The following PTPRA variants were observed in gnomAD, a reference collection of about 807,000 sequenced individuals.
PTPRA encodes protein tyrosine phosphatase receptor type A.
In PTPRA, 25 loss-of-function variants were observed where a neutral mutation model predicts 104.8. That is an observed-to-expected ratio of 0.24 (90% confidence interval 0.17 to 0.33). The LOEUF (loss-of-function observed/expected upper bound fraction) is 0.33, where lower values mean the gene tolerates loss of function less well. Ranked by LOEUF, PTPRA falls within the 10% of genes least tolerant of loss-of-function variation. The pLI is 1.00. For missense variants in PTPRA, 765 were observed against 1,015.3 expected, an observed-to-expected ratio of 0.75 and a Z score of 3.35; for synonymous variants, 323 against 368.9, an observed-to-expected ratio of 0.88 and a Z score of 1.43.
intron 6 of PTPRA, among the ~76,000 whole-genome samples, chr20:2,979,107 A>T (rs955446711): frequency 2.6e-5 from 4 of 152,170 alleles, no homozygotes; most frequent in Non-Finnish European, 4.4e-5. Context: ...GTAAGTTAGG[A>T]TAGTAGGAAT....
intron 1 of PTPRA, among the ~76,000 whole-genome samples, chr20:2,895,573 A>G (rs2058966893): frequency 6.6e-6 from 1 of 151,350 alleles, no homozygotes; most frequent in South Asian, 2.1e-4. Context: ...CTGGAGTGCA[A>G]TGGCACGATC....
chr20:3,022,122 C>G lies in PTPRA; in HGVS notation c.1230C>G (p.Asp410Glu). 1.2e-6 allele frequency: 2 copies of G among 1,614,232 alleles called. No homozygotes were observed. Among genetic ancestry groups the G allele is most frequent in the Non-Finnish European group, 1.7e-6 (2 of 1,180,028 alleles). ...ITQFHFTSWP[D>E]FGVPFTPIGM... is the part of the protein sequence containing the mutation. ...AGTTCCACTTTACCAGCTGGCCAGA[C>G]TTTGGGGTGCCTTTTACCCCGATCG... is the stretch of plus-strand genomic sequence containing the variant. The change falls in exon 15 of 24, where the codon GAC becomes GAG. Residue 410 changes from aspartate to glutamate, a missense_variant. Around this residue, in one of 4 missense-constraint regions of PTPRA, gnomAD observed 245 missense variants for 398.7 expected, o/e 0.61. Coordinates refer to ENST00000399903, the MANE Select transcript of PTPRA (RefSeq NM_001385305.1). The surrounding 1 kb of genome is among the most constrained non-coding windows in gnomAD (Gnocchi z 4.6).
At chr20:2,952,529 A>G (rs1286189660) in intron 3 of PTPRA, among the ~76,000 whole-genome samples, 2 of 152,064 alleles carry the variant, frequency 1.3e-5, no homozygotes, top group African/African-American at 4.8e-5. Flanking sequence ...TGTTATTCTC[A>G]TGTCTTTTAA....
At chr20:2,952,601 A>G (rs901276826) in intron 3 of PTPRA, among the ~76,000 whole-genome samples, 25 of 152,324 alleles carry the variant, frequency 1.6e-4, no homozygotes, top group Admixed American at 8.5e-4. Context: ...CTTTGTAAGT[A>G]TACAGTTTTG....
At chr20:2,999,235 A>G (rs1192759197) in intron 9 of PTPRA, among the ~76,000 whole-genome samples, 1 of 152,190 alleles carries the variant, frequency 6.6e-6, no homozygotes, top group Non-Finnish European at 1.5e-5. Context: ...TAGTGAAGAG[A>G]TAGGATCAAT....
intron 1 of PTPRA, among the ~76,000 whole-genome samples, chr20:2,899,727 A>G (rs1048593339): frequency 2.6e-5 from 4 of 152,222 alleles, no homozygotes; most frequent in Non-Finnish European, 5.9e-5. Context: ...CTTCCTGTAA[A>G]TAATGAAAGC....
At chr20:2,993,376 A>G (rs886886546) in intron 9 of PTPRA, among the ~76,000 whole-genome samples, 2 of 152,246 alleles carry the variant, frequency 1.3e-5, no homozygotes, top group South Asian at 4.1e-4. Flanking sequence ...TCTAAGATAC[A>G]TAACTTCCTG....
At chr20:2,934,669 CTTTTTTTTTTT>C in intron 2 of PTPRA, among the ~76,000 whole-genome samples, 1 of 127,190 alleles carries the variant, frequency 7.9e-6, no homozygotes, top group Non-Finnish European at 1.6e-5. Flanking sequence ...CAATTAGAAC[CTTTTTTTTTTT>C]TTTTTTTTTT....
At chr20:2,943,712 T>C (rs2061015706) in intron 2 of PTPRA, among the ~76,000 whole-genome samples, 1 of 152,198 alleles carries the variant, frequency 6.6e-6, no homozygotes, top group Non-Finnish European at 1.5e-5. Flanking sequence ...GTCATACTTC[T>C]GCTTAGCATG....
At chr20:2,921,320 C>T (rs1281580538) in intron 1 of PTPRA, among the ~76,000 whole-genome samples, 4 of 127,642 alleles carry the variant, frequency 3.1e-5, no homozygotes, top group South Asian at 2.6e-4. Context: ...CCTGGGAATG[C>T]GCTTTTTTTT....
At chr20:2,874,386 G>T (rs1261783458) in intron 1 of PTPRA, among the ~76,000 whole-genome samples, 1 of 148,418 alleles carries the variant, frequency 6.7e-6, no homozygotes, top group Non-Finnish European at 1.5e-5. Flanking sequence ...TATATCTCCT[G>T]AAGATTAAAA....
chr20:3,023,087 G>A (rs530392479), intron 16 of PTPRA, among the ~76,000 whole-genome samples: 18 of 152,316 alleles, frequency 1.2e-4, no homozygotes, highest in South Asian at 6.2e-4. Flanking sequence ...CCCTGTGCTC[G>A]CAGAAACATG....
At chr20:2,959,152 G>T (rs1053199370) in intron 3 of PTPRA, among the ~76,000 whole-genome samples, 1 of 152,166 alleles carries the variant, frequency 6.6e-6, no homozygotes, top group Non-Finnish European at 1.5e-5. Context: ...TAGTGACATG[G>T]ATCTTCTTAA....
At chr20:2,952,034 C>T (rs2061370752) in intron 3 of PTPRA, among the ~76,000 whole-genome samples, 1 of 151,910 alleles carries the variant, frequency 6.6e-6, no homozygotes, top group Admixed American at 6.6e-5. Context: ...GGCAGGGAAT[C>T]TCTTGAACCC....
intron 11 of PTPRA, among the ~76,000 whole-genome samples, chr20:3,010,666 C>A (rs1221795472): frequency 6.6e-6 from 1 of 152,094 alleles, no homozygotes; most frequent in East Asian, 1.9e-4. Flanking sequence ...AAAATAAACA[C>A]AGCATCCAGC....
At chr20:2,900,130 C>T (rs1177516557) in intron 1 of PTPRA, among the ~76,000 whole-genome samples, 3 of 109,716 alleles carry the variant, frequency 2.7e-5, no homozygotes, top group Admixed American at 1.0e-4. Flanking sequence ...CAAAACAAAA[C>T]GAAAAATCTG....
In PTPRA at chr20:3,018,226, G is replaced by A. The variant is rs775259344; in HGVS notation, c.1041+313G>A. 4.6e-5 allele frequency among the ~76,000 whole-genome samples: 7 copies of A among 152,266 alleles called. 1 individual carries two copies. The highest frequency in any genetic ancestry group is 1.2e-4 in the African/African-American group (5 of 41,552). On this transcript the variant is annotated intron_variant, in intron 13 of 23. Transcript: ENST00000399903. ...GTTTTTTTTGTTGTTGTTTTGTTTT[G>A]TTTTGTTTTGTTTTTTTATTGATCA...
At chr20:2,955,051 G>C (rs540341187) in intron 3 of PTPRA, among the ~76,000 whole-genome samples, 26 of 152,250 alleles carry the variant, frequency 1.7e-4, no homozygotes, top group African/African-American at 5.3e-4. Context: ...CTATTCCTCT[G>C]CTAATACTGT....
rs1325939308 is a variant in PTPRA at position 3,035,285 on chromosome 20, T to C, written c.1921-300T>C. ...ACCCCATGGGAGAAAAAGAAAGGAA[T>C]TGGAACAAAGATTTTCACTCGTCCT... On this transcript the variant is annotated intron_variant, in intron 20 of 23. Coordinates refer to ENST00000399903, the MANE Select transcript of PTPRA (RefSeq NM_001385305.1). The surrounding 1 kb of genome is among the most constrained non-coding windows in gnomAD (Gnocchi z 5.8). Among the ~76,000 whole-genome samples the C allele has an allele frequency of 6.6e-6, 1 of 151,932 alleles. No homozygotes were observed. Among genetic ancestry groups the C allele is most frequent in the Non-Finnish European group, 1.5e-5 (1 of 67,982 alleles).
Sources: gnomAD v4.1 joint callset for allele counts (sites outside exome capture counted in the v4.1 genomes callset) on GRCh38, gnomAD v4.1.1 for gene constraint, gnomAD v4.1.1 regional missense constraint, Gnocchi (gnomAD v3.1) non-coding constraint, MANE v1.5 for transcripts, NCBI Gene and HGNC (gene_info 2026-07-23, HGNC 2026-07-21) for gene names.